Variants in CPT1A observed in about 807,000 individuals in gnomAD.
CPT1A encodes carnitine palmitoyltransferase 1A.
A neutral mutation model predicts 100.8 loss-of-function variants in CPT1A; 64 were observed. The ratio of observed to expected loss-of-function variants is 0.63; its 90% CI spans 0.52 to 0.78. The LOEUF is 0.78. Among genes scored for constraint, CPT1A ranks in the 30% least tolerant of loss-of-function variants. The pLI is 0.00. For missense variants in CPT1A, 802 were observed against 1,034.1 expected (o/e 0.78, Z 3.08); for synonymous variants, 363 against 396.0 (o/e 0.92, Z 0.99).
At chr11:68,765,003 CT>C (rs1311720097) in intron 14 of CPT1A, among the ~76,000 whole-genome samples, 3 of 152,174 alleles carry the variant, frequency 2.0e-5, no homozygotes, top group Admixed American at 2.0e-4. Context: ...TCAAGATTCC[CT>C]TGGGAGCGGG....
intron 1 of CPT1A, among the ~76,000 whole-genome samples, chr11:68,829,506 G>A (rs1220117929): frequency 6.6e-6 from 1 of 152,134 alleles, no homozygotes; most frequent in African/African-American, 2.4e-5. Flanking sequence ...GATGGCTAGA[G>A]GAGAGAACGC....
chr11:68,759,940 G>A (rs1946771211), intron 17 of CPT1A, among the ~76,000 whole-genome samples: 1 of 152,110 alleles, frequency 6.6e-6, no homozygotes, highest in African/African-American at 2.4e-5. Flanking sequence ...TCAGGAGGTG[G>A]AGGTGGGAGG....
In CPT1A at chr11:68,793,386, G is replaced by C. The variant is rs372454903; in HGVS notation, c.896C>G (p.Ser299Cys). The C allele has an allele frequency of 3.7e-6, 6 of 1,610,698 alleles. No individual in the cohort carries two copies. The highest frequency in any genetic ancestry group is 1.3e-5 in the African/African-American group (1 of 74,852). ...CTGAGCGGAGCAGAGTGGAATCGTGGATCCCAAAAGACGAATCTGTAACAA... is the reference window on the plus strand; with the variant it reads ...CTGAGCGGAGCAGAGTGGAATCGTGCATCCCAAAAGACGAATCTGTAACAA... ...EEIKPIRLLG[S>C]TIPLCSAQWE... Residue 299 changes from serine to cysteine, a missense_variant, in exon 9 of 19, where the codon TCC becomes TGC. Around this residue, in one of 4 missense-constraint regions of CPT1A, gnomAD observed 627 missense variants for 799.3 expected, o/e 0.78. Coordinates refer to ENST00000265641, the MANE Select transcript of CPT1A (RefSeq NM_001876.4).
At position 68,799,242 on chromosome 11, in the gene CPT1A, T is replaced by C. The variant is rs373563983; in HGVS notation, c.669A>G (p.Leu223=). ...LGPRLQWYLK[L]KSWWATNYVS... The stretch of plus-strand genomic sequence containing the variant: ...CGTAATTTGTAGCCCACCAGGATTT[T>C]AACTTCAAATACCACTGTAATCTTG... Residue 223 remains leucine, a synonymous_variant, in exon 6 of 19, where the codon TTA becomes TTG. Coordinates refer to ENST00000265641, the MANE Select transcript of CPT1A (RefSeq NM_001876.4). The C allele has an allele frequency of 3.2e-5, 52 of 1,613,948 alleles. No homozygotes were observed. The African/African-American group carries it at 6.1e-4, about 19-fold the overall frequency.
chr11:68,761,547 A>G lies in CPT1A; in HGVS notation c.2016T>C (p.Pro672=). 1 of 1,614,112 alleles carries G rather than the reference A, an allele frequency of 6.2e-7. No individual in the cohort carries two copies. Among genetic ancestry groups the G allele is most frequent in the Non-Finnish European group, 8.5e-7 (1 of 1,180,014 alleles). ...GGAAGAGACTTACTTCCTTAAGGAA[A>G]GGGGACTCCACAGCGAGATATTTAG... ...VVSKYLAVES[P]FLKEVLSEPW... is the part of the protein sequence containing the mutation. The change falls in exon 16 of 19, where the codon CCT becomes CCC. Residue 672 remains proline, a synonymous_variant. Transcript: ENST00000265641.
intron 6 of CPT1A, among the ~76,000 whole-genome samples, chr11:68,797,249 AG>A (rs2154000049): frequency 6.6e-6 from 1 of 152,344 alleles, no homozygotes; most frequent in South Asian, 2.1e-4. Context: ...AGACCAGGCT[AG>A]GCAACATAGC....
chr11:68,824,065 G>A (rs1298693806), intron 1 of CPT1A, among the ~76,000 whole-genome samples: 2 of 151,800 alleles, frequency 1.3e-5, no homozygotes, highest in African/African-American at 4.8e-5. Context: ...TGGACAACAT[G>A]GTGAAACCCC....
chr11:68,765,383 G>A (rs1190809974), intron 14 of CPT1A, among the ~76,000 whole-genome samples: 2 of 152,158 alleles, frequency 1.3e-5, no homozygotes, highest in African/African-American at 2.4e-5. Flanking sequence ...AGCCCCACTG[G>A]AGCTCAGACG....
At chr11:68,764,010 G>T (rs1170228756) in intron 14 of CPT1A, among the ~76,000 whole-genome samples, 1 of 152,176 alleles carries the variant, frequency 6.6e-6, no homozygotes, top group Non-Finnish European at 1.5e-5. Context: ...AGGGGATGGG[G>T]TCAAGGAACG....
chr11:68,813,696 C>CA (rs11400593), intron 2 of CPT1A, among the ~76,000 whole-genome samples: 105,386 of 136,644 alleles, frequency 0.77, 41,423 homozygotes, highest in East Asian at 0.88. Flanking sequence ...GACCCTGTCT[C>CA]AAAAAAAAAA....
At chr11:68,760,993 C>A (rs1398383914) in intron 16 of CPT1A, among the ~76,000 whole-genome samples, 1 of 151,654 alleles carries the variant, frequency 6.6e-6, no homozygotes, top group Non-Finnish European at 1.5e-5. Context: ...TGCACTCCAG[C>A]CTGGGTGACA....
At chr11:68,831,476 A>G (rs1484100644) in intron 1 of CPT1A, among the ~76,000 whole-genome samples, 3 of 152,240 alleles carry the variant, frequency 2.0e-5, no homozygotes, top group Non-Finnish European at 2.9e-5. Flanking sequence ...CTTTATAGCA[A>G]CTGAAATATG....
In CPT1A at chr11:68,841,614, G is replaced by A. The variant is rs1857160426; in HGVS notation, c.-14+161C>T. On this transcript the variant is annotated intron_variant, in intron 1 of 18. Coordinates refer to ENST00000265641, the MANE Select transcript of CPT1A (RefSeq NM_001876.4). This position sits in a 1 kb window ranked among gnomAD's most constrained non-coding sequence, Gnocchi z 6.3. ...CTGGGTTCAGGATCTCCACAACCCCGCCGTCCGGGGGGAATACCGGGGTTC... is the reference window on the plus strand; with the variant it reads ...CTGGGTTCAGGATCTCCACAACCCCACCGTCCGGGGGGAATACCGGGGTTC... Among the ~76,000 whole-genome samples, 1 of 152,124 alleles carries A rather than the reference G, an allele frequency of 6.6e-6. No individual in the cohort carries two copies. The highest frequency in any genetic ancestry group is 1.5e-5 in the Non-Finnish European group (1 of 68,004).
Position 68,796,154 on chromosome 11 carries a change from G to A in CPT1A, c.771+702C>T, listed in dbSNP as rs537451268. ...GTCTCAGAAAACAGTAGGGTGAAGC[G>A]CAGCGCACTGGTGGCAGGATCTTGG... is the stretch of plus-strand genomic sequence containing the variant. On this transcript the variant is annotated intron_variant, in intron 7 of 18. Coordinates refer to ENST00000265641, the MANE Select transcript of CPT1A (RefSeq NM_001876.4). 3.3e-5 allele frequency among the ~76,000 whole-genome samples: 5 copies of A among 152,256 alleles called. No individual in the cohort carries two copies. The East Asian group carries it at 5.8e-4, about 18-fold the overall frequency.
At chr11:68,774,228 CT>C (rs1284750018) in intron 13 of CPT1A, among the ~76,000 whole-genome samples, 2 of 152,152 alleles carry the variant, frequency 1.3e-5, no homozygotes, top group African/African-American at 4.8e-5. Context: ...CTCCTGCCTT[CT>C]GCCCCACAGT....
At chr11:68,764,319 T>C (rs1004887200) in intron 14 of CPT1A, among the ~76,000 whole-genome samples, 1 of 152,102 alleles carries the variant, frequency 6.6e-6, no homozygotes, top group African/African-American at 2.4e-5. Flanking sequence ...ACCAGACACA[T>C]CCCTGCACAT....
intron 9 of CPT1A, among the ~76,000 whole-genome samples, chr11:68,787,749 C>T (rs1450034330): frequency 5.3e-5 from 8 of 152,016 alleles, no homozygotes; most frequent in Non-Finnish European, 1.0e-4. Context: ...CGAGGCCAGC[C>T]TGGCCTACAT....
chr11:68,763,049 C>T (rs1360371782), intron 14 of CPT1A, among the ~76,000 whole-genome samples: 1 of 152,004 alleles, frequency 6.6e-6, no homozygotes, highest in Admixed American at 6.6e-5. Flanking sequence ...AGGGTTTCAC[C>T]ACATTGCCCA....
intron 12 of CPT1A, 149 bp from the exon 13 acceptor site, chr11:68,775,581 A>C: frequency 1.5e-6 from 1 of 670,070 alleles, no homozygotes; most frequent in Admixed American, 2.2e-5. Flanking sequence ...GCACCTAATG[A>C]GGTGGATCTG....
Sources: allele counts gnomAD v4.1 joint callset (sites outside exome capture counted in the v4.1 genomes callset), GRCh38; gene constraint gnomAD v4.1.1; regional missense constraint gnomAD v4.1.1; non-coding constraint Gnocchi (gnomAD v3.1); transcripts MANE v1.5; gene names NCBI Gene and HGNC (gene_info 2026-07-23, HGNC 2026-07-21).